Variants in SALL3 observed in about 807,000 individuals in gnomAD.
SALL3 encodes sal-like protein 3.
A neutral mutation model predicts 66.2 loss-of-function variants in SALL3; 25 were observed. The observed-to-expected ratio is 0.38, with a 90% CI of 0.28 to 0.53. The LOEUF is 0.53. SALL3 is among the 20% of genes least tolerant of loss of function. SALL3 has a pLI of 0.85. For synonymous variants in SALL3, 1,152 were observed against 899.1 expected (o/e 1.28, Z -5.03); for missense variants, 2,194 against 1,916.5 (o/e 1.14, Z -2.70).
At chr18:78,986,790 G>A (rs1334540960) in intron 1 of SALL3, among the ~76,000 whole-genome samples, 1 of 152,158 alleles carries the variant, frequency 6.6e-6, no homozygotes, top group Non-Finnish European at 1.5e-5. Context: ...TAAAAAACAT[G>A]CAGCAAAAGT....
Position 78,993,676 on chromosome 18 carries a change from A to C in SALL3, c.1685A>C (p.Glu562Ala). 1 of 1,586,956 alleles carries C rather than the reference A, an allele frequency of 6.3e-7. No individual in the cohort carries two copies. Residue 562 changes from glutamate to alanine, a missense_variant, in exon 2 of 3, where the codon GAG (glutamate) becomes GCG (alanine). Glu to Ala is a moderately radical substitution (Grantham distance 107, BLOSUM62 -1). Transcript: ENST00000537592. ...SPQRPSPASSECASLSPGLNH... is the reference protein window; with the variant it reads ...SPQRPSPASSACASLSPGLNH... ...CAGAGGCCCTCGCCCGCCTCCAGCG[A>C]GTGCGCCTCCTTGTCCCCAGGCCTC...
intron 1 of SALL3, among the ~76,000 whole-genome samples, chr18:78,983,658 G>A (rs543479006): frequency 6.6e-6 from 1 of 152,288 alleles, no homozygotes; most frequent in Admixed American, 6.5e-5. Flanking sequence ...ACCAGTGCTT[G>A]GCGCAGGATC....
At chr18:78,985,565 C>CTT (rs1914219666) in intron 1 of SALL3, among the ~76,000 whole-genome samples, 1 of 152,134 alleles carries the variant, frequency 6.6e-6, no homozygotes, top group Non-Finnish European at 1.5e-5. Context: ...TATGTGCAAA[C>CTT]TTTGCCTGTA....
rs780511868 is a variant in SALL3, at chr18:78,992,129, G to C, written c.138G>C (p.Gly46=). ...ACAGCGGGCCCGAGAGCCGCAGCGG[G>C]GGCGAGGAGACCAGCGTGTGCGAGA... ...DADSGPESRS[G]GEETSVCEKC... is the part of the protein sequence containing the mutation. The change falls in exon 2 of 3, where the codon GGG becomes GGC. Residue 46 remains glycine (G), a synonymous_variant. Coordinates refer to ENST00000537592, the MANE Select transcript of SALL3 (RefSeq NM_171999.4). 6.2e-7 allele frequency: 1 copy of C among 1,602,096 alleles called. No individual in the cohort carries two copies. Among genetic ancestry groups the C allele is most frequent in the Middle Eastern group, 1.7e-4 (1 of 6,018 alleles).
In SALL3 at chr18:78,993,287, C is replaced by T. The variant is rs1222272879; in HGVS notation, c.1296C>T (p.Asp432=). The T allele has an allele frequency of 1.9e-6, 3 of 1,611,350 alleles. No homozygotes were observed. The highest frequency in any genetic ancestry group is 2.5e-6 in the Non-Finnish European group (3 of 1,179,736). The stretch of plus-strand genomic sequence containing the variant: ...TCTGCGCCAAGGTCTTCGGCAGCGA[C>T]AGCGCGCTCCAGATCCACCTGCGCT... ...CRFCAKVFGS[D]SALQIHLRSH... is the part of the protein sequence containing the mutation. Residue 432 remains aspartate (D), a synonymous_variant, in exon 2 of 3, where the codon GAC becomes GAT. Transcript: ENST00000537592.
Position 78,996,926 on chromosome 18 carries a change from C to T in SALL3, c.3507C>T (p.Pro1169=), listed in dbSNP as rs770538698. Residue 1169 remains proline, a synonymous_variant, in exon 3 of 3, where the codon CCC becomes CCT. Transcript: ENST00000537592. ...HMGTHMWNNA[P]ARRGRRLSVE... ...GGACACACATGTGGAATAACGCCCC[C>T]GCGAGACGCGGCCGCCGCCTGTCTG... The T allele has an allele frequency of 3.1e-6, 5 of 1,612,788 alleles. No homozygotes were observed. Among genetic ancestry groups the T allele is most frequent in the South Asian group, 2.2e-5 (2 of 91,048 alleles).
rs747176756 is a variant in SALL3, at chr18:78,994,319, G to A, written c.2328G>A (p.Gln776=). The change falls in exon 2 of 3, where the codon CAG becomes CAA. Residue 776 remains glutamine (Q), a synonymous_variant. Coordinates refer to ENST00000537592, the MANE Select transcript of SALL3 (RefSeq NM_171999.4). Reference sequence around the variant, plus strand: ...ACACGCCGCTGCCGGAGGGCTTCCAGGATGCCATGGACTCCGAGCTGGCCT... The same window carrying A: ...ACACGCCGCTGCCGGAGGGCTTCCAAGATGCCATGGACTCCGAGCTGGCCT... ...IPNTPLPEGF[Q]DAMDSELAYD... The A allele has an allele frequency of 8.1e-6, 13 of 1,613,570 alleles. No homozygotes were observed. The highest frequency in any genetic ancestry group is 1.1e-5 in the Non-Finnish European group (13 of 1,180,036).
chr18:78,982,401 C>T (rs1195162476), intron 1 of SALL3, among the ~76,000 whole-genome samples: 1 of 152,230 alleles, frequency 6.6e-6, no homozygotes, highest in African/African-American at 2.4e-5. Flanking sequence ...TCATGTTTTG[C>T]AAGAGGCCCA....
chr18:78,983,265 T>TA (rs1015733158), intron 1 of SALL3, among the ~76,000 whole-genome samples: 2 of 152,230 alleles, frequency 1.3e-5, no homozygotes, highest in African/African-American at 4.8e-5. Context: ...GCGCCACTAG[T>TA]AATCCTGTGA....
At chr18:78,983,403 T>C (rs1184787856) in intron 1 of SALL3, among the ~76,000 whole-genome samples, 1 of 152,236 alleles carries the variant, frequency 6.6e-6, no homozygotes, top group Admixed American at 6.5e-5. Context: ...TTAAGAAAGA[T>C]GTATTTTGTT....
Position 78,997,380 on chromosome 18 carries a change from C to A in SALL3, c.*58C>A, listed in dbSNP as rs1266589323. 5 of 1,519,688 alleles carry A rather than the reference C, an allele frequency of 3.3e-6. No individual in the cohort carries two copies. The Admixed American group carries it at 5.3e-5, about 16-fold the overall frequency. The allele number at this position is 1,519,688 out of a possible 1,614,324, so 94.1% of individuals were successfully genotyped here. On this transcript the variant is annotated 3_prime_UTR_variant, in exon 3 of 3. Coordinates refer to ENST00000537592, the MANE Select transcript of SALL3 (RefSeq NM_171999.4). ...CACGTTTTGAAGTTGGAGCATCAGG[C>A]CTCCGACCTTTCTTGCCTCGGTTCT...
In SALL3 at chr18:78,992,261, C is replaced by T. The variant is rs539698780; in HGVS notation, c.270C>T (p.Pro90=). 4.3e-5 allele frequency: 67 copies of T among 1,568,948 alleles called. No individual in the cohort carries two copies. The highest frequency in any genetic ancestry group is 1.7e-4 in the Middle Eastern group (1 of 5,932). ...TGCACGAGGACGCGCCCGCGCCGCC[C>T]CCCGAGGACTTCCCCGAGCCTTCGC... ...LIVHEDAPAP[P]PEDFPEPSPA... Residue 90 remains proline, a synonymous_variant, in exon 2 of 3, where the codon CCC becomes CCT. Coordinates refer to ENST00000537592, the MANE Select transcript of SALL3 (RefSeq NM_171999.4).
Position 78,992,473 on chromosome 18 carries a change from C to T in SALL3, c.482C>T (p.Ala161Val). The change falls in exon 2 of 3, where the codon GCG becomes GTG. Residue 161 changes from alanine to valine, a missense_variant. Ala to Val is a moderately conservative substitution (Grantham distance 64, BLOSUM62 0). Coordinates refer to ENST00000537592, the MANE Select transcript of SALL3 (RefSeq NM_171999.4). ...APAPPTPAYG[A>V]PSTNVTLEAL... Reference sequence around the variant, plus strand: ...GCACCCCCAACGCCCGCCTACGGCGCGCCCAGCACCAACGTGACCCTGGAG... The same window carrying T: ...GCACCCCCAACGCCCGCCTACGGCGTGCCCAGCACCAACGTGACCCTGGAG... 6.9e-7 allele frequency: 1 copy of T among 1,450,850 alleles called. No individual in the cohort carries two copies. Among genetic ancestry groups the T allele is most frequent in the Non-Finnish European group, 9.0e-7 (1 of 1,106,252 alleles). 89.9% of individuals were successfully genotyped at this position (1,450,850 alleles called of 1,614,324 possible).
intron 1 of SALL3, chr18:78,991,827 C>A (rs908389770): frequency 7.3e-6 from 3 of 413,230 alleles, no homozygotes; most frequent in Non-Finnish European, 1.3e-5. Context: ...TATTGGAAAT[C>A]AATGGCTTCT....
In SALL3 at chr18:78,994,140, A is replaced by G. The variant is rs1281001527; in HGVS notation, c.2149A>G (p.Thr717Ala). ...GTGCAAGATCTGCGGCCGCGCCTTC[A>G]CCACCAAGGGCAACCTCAAGACGCA... ...FKCKICGRAF[T>A]TKGNLKTHFG... Residue 717 changes from threonine (T) to alanine (A), a missense_variant, in exon 2 of 3, where the codon ACC (threonine) becomes GCC (alanine). Physicochemically the swap from Thr to Ala is moderately conservative, Grantham distance 58. Coordinates refer to ENST00000537592, the MANE Select transcript of SALL3 (RefSeq NM_171999.4). The G allele has an allele frequency of 6.2e-7, 1 of 1,612,886 alleles. No homozygotes were observed. The highest frequency in any genetic ancestry group is 1.3e-5 in the African/African-American group (1 of 74,920).
At chr18:78,990,813 C>T (rs942340971) in intron 1 of SALL3, among the ~76,000 whole-genome samples, 4 of 152,284 alleles carry the variant, frequency 2.6e-5, no homozygotes, top group East Asian at 3.9e-4. Context: ...AATATCCAGG[C>T]GAGCACAGAG....
In SALL3 at chr18:78,992,471, C is replaced by A; in HGVS notation, c.480C>A (p.Gly160=). The A allele has an allele frequency of 6.9e-7, 1 of 1,447,898 alleles. No individual in the cohort carries two copies. The allele number at this position is 1,447,898 out of a possible 1,614,324, so 89.7% of individuals were successfully genotyped here. A position where few individuals can be genotyped will look rare whatever the true frequency, so the allele number is the denominator to read the frequency against. Residue 160 remains glycine, a synonymous_variant, in exon 2 of 3, where the codon GGC becomes GGA. Transcript: ENST00000537592. ...AAPAPPTPAY[G]APSTNVTLEA... Reference sequence around the variant, plus strand: ...CTGCACCCCCAACGCCCGCCTACGGCGCGCCCAGCACCAACGTGACCCTGG... The same window carrying A: ...CTGCACCCCCAACGCCCGCCTACGGAGCGCCCAGCACCAACGTGACCCTGG...
At position 78,997,266 on chromosome 18, in the gene SALL3, G is replaced by A. The variant is rs753785598; in HGVS notation, c.3847G>A (p.Ala1283Thr). The A allele has an allele frequency of 6.2e-7, 1 of 1,613,972 alleles. No homozygotes were observed. Among genetic ancestry groups the A allele is most frequent in the Non-Finnish European group, 8.5e-7 (1 of 1,180,030 alleles). ...SLDKASSETA[A>T]SRPFTRFIED... is the part of the protein sequence containing the mutation. ...GGACAAAGCGAGCTCAGAAACAGCA[G>A]CCAGCCGCCCATTCACGCGGTTTAT... Residue 1283 changes from alanine to threonine, a missense_variant, in exon 3 of 3, where the codon GCC becomes ACC. By Grantham distance (58) the Ala-to-Thr change is moderately conservative. Coordinates refer to ENST00000537592, the MANE Select transcript of SALL3 (RefSeq NM_171999.4).
intron 1 of SALL3, among the ~76,000 whole-genome samples, chr18:78,990,974 C>T (rs1029163173): frequency 5.9e-5 from 9 of 152,238 alleles, no homozygotes; most frequent in Admixed American, 3.9e-4. Context: ...AGTTGTTACT[C>T]GGCACAAGAG....
Sources: allele counts gnomAD v4.1 joint callset (sites outside exome capture counted in the v4.1 genomes callset), GRCh38; gene constraint gnomAD v4.1.1; transcripts MANE v1.5; gene names NCBI Gene and HGNC (gene_info 2026-07-23, HGNC 2026-07-21).